The following SRGAP3 variants were observed in gnomAD, a reference collection of about 807,000 sequenced individuals.
SRGAP3 encodes the protein SLIT-ROBO Rho GTPase activating protein 3.
SRGAP3 carries 39 observed loss-of-function variants against 121.1 expected under a neutral mutation model. The ratio of observed to expected loss-of-function variants is 0.32; its 90% confidence interval spans 0.25 to 0.42. The LOEUF is 0.42. Among genes scored for constraint, SRGAP3 ranks in the 10% least tolerant of loss-of-function variants. The pLI, the probability that SRGAP3 is intolerant of heterozygous loss-of-function variation, is 1.00. For missense variants in SRGAP3, 1,213 were observed against 1,470.6 expected (o/e 0.82, Z 2.86); for synonymous variants, 601 against 570.0 (o/e 1.05, Z -0.77).
At chr3:9,283,090 G>A (rs1171189166) in intron 3 of SRGAP3, among the ~76,000 whole-genome samples, 6 of 152,002 alleles carry the variant, frequency 3.9e-5, no homozygotes, top group South Asian at 2.1e-4. Context: ...AGAGGCACCC[G>A]CCATTATACC....
intron 3 of SRGAP3, among the ~76,000 whole-genome samples, chr3:9,090,661 G>T: frequency 6.6e-6 from 1 of 152,146 alleles, no homozygotes; most frequent in African/African-American, 2.4e-5. Flanking sequence ...TTGTGAGATG[G>T]TGTCTTGCTT....
At chr3:9,177,810 C>A (rs1161661649) in intron 1 of SRGAP3, among the ~76,000 whole-genome samples, 1 of 152,194 alleles carries the variant, frequency 6.6e-6, no homozygotes, top group Non-Finnish European at 1.5e-5. Context: ...CTAGGGAAGA[C>A]CATGTGACCC....
chr3:9,298,080 G>A (rs945195392), intron 3 of SRGAP3, among the ~76,000 whole-genome samples: 1 of 152,144 alleles, frequency 6.6e-6, no homozygotes, highest in African/African-American at 2.4e-5. Flanking sequence ...GAAAATTAAT[G>A]TCTGTTGCTT....
intron 1 of SRGAP3, among the ~76,000 whole-genome samples, chr3:9,171,738 T>TGA (rs760072572): frequency 2.6e-5 from 4 of 152,128 alleles, no homozygotes; most frequent in Non-Finnish European, 5.9e-5. Flanking sequence ...TACTCAGAGG[T>TGA]GAGAGGCTCT....
chr3:9,335,275 C>T (rs1479979042), intron 1 of SRGAP3, among the ~76,000 whole-genome samples: 1 of 152,142 alleles, frequency 6.6e-6, no homozygotes, highest in African/African-American at 2.4e-5. Context: ...GGAAATTGGG[C>T]TCCTTGTTGC....
chr3:9,073,633 C>T (rs1946825448), intron 4 of SRGAP3, among the ~76,000 whole-genome samples: 1 of 152,218 alleles, frequency 6.6e-6, no homozygotes, highest in African/African-American at 2.4e-5. Flanking sequence ...ATAATGCCAC[C>T]TACCTCAAAG....
At chr3:9,167,835 G>A (rs188041916) in intron 1 of SRGAP3, among the ~76,000 whole-genome samples, 13 of 152,240 alleles carry the variant, frequency 8.5e-5, no homozygotes, top group African/African-American at 2.2e-4. Context: ...AGCATGCCTC[G>A]CTGTTTTCTT....
At chr3:9,035,956 G>A (rs1274914294) in intron 11 of SRGAP3, 1 of 152,270 alleles carries the variant, frequency 6.6e-6, no homozygotes, top group African/African-American at 2.4e-5. Context: ...TCCAGACCAC[G>A]AGGGCATGTC....
At chr3:9,165,082 T>C (rs1471136002) in intron 1 of SRGAP3, among the ~76,000 whole-genome samples, 1 of 152,262 alleles carries the variant, frequency 6.6e-6, no homozygotes, top group Non-Finnish European at 1.5e-5. Context: ...GGGTCGAAGG[T>C]CAGGCCTTTG....
chr3:9,208,961 A>C (rs1145160), intron 1 of SRGAP3, among the ~76,000 whole-genome samples: 55,451 of 152,132 alleles, frequency 0.36, 10,383 homozygotes, highest in Middle Eastern at 0.42. Flanking sequence ...GGCCCCAAAA[A>C]ATCCAGACTC....
intron 1 of SRGAP3, among the ~76,000 whole-genome samples, chr3:9,241,455 C>T (rs894156303): frequency 1.3e-5 from 2 of 152,174 alleles, no homozygotes; most frequent in Non-Finnish European, 2.9e-5. Context: ...AGGAAGTGCT[C>T]CCTAGACCAC....
intron 3 of SRGAP3, among the ~76,000 whole-genome samples, chr3:9,254,728 G>A (rs1170457148): frequency 6.6e-6 from 1 of 151,890 alleles, no homozygotes; most frequent in African/African-American, 2.4e-5. Flanking sequence ...CCCAAGAGGT[G>A]GAGGGTGCAG....
intron 1 of SRGAP3, among the ~76,000 whole-genome samples, chr3:9,167,992 C>CT (rs928128198): frequency 6.6e-6 from 1 of 152,204 alleles, no homozygotes; most frequent in Non-Finnish European, 1.5e-5. Context: ...TCACAAAGTG[C>CT]TTTTTTCACA....
chr3:9,306,669 G>A (rs868028304), intron 3 of SRGAP3, among the ~76,000 whole-genome samples: 1 of 152,140 alleles, frequency 6.6e-6, no homozygotes, highest in Non-Finnish European at 1.5e-5. Context: ...TTATTAAATA[G>A]GAAATCCCTT....
chr3:9,132,940 G>A (rs565565594), intron 1 of SRGAP3, among the ~76,000 whole-genome samples: 28 of 150,434 alleles, frequency 1.9e-4, no homozygotes, highest in African/African-American at 6.1e-4. Context: ...TTCCCCTCTC[G>A]CAAAACAACC....
At chr3:9,077,289 T>C (rs182567840) in intron 4 of SRGAP3, among the ~76,000 whole-genome samples, 2 of 152,226 alleles carry the variant, frequency 1.3e-5, no homozygotes, top group African/African-American at 4.8e-5. Flanking sequence ...TACAAGACTC[T>C]GACAGAGACA....
chr3:9,067,326 A>G (rs1010411257), intron 4 of SRGAP3, among the ~76,000 whole-genome samples: 1 of 152,062 alleles, frequency 6.6e-6, no homozygotes, highest in East Asian at 1.9e-4. Context: ...TTGGAAAACA[A>G]TACATGGATT....
intron 2 of SRGAP3, among the ~76,000 whole-genome samples, chr3:9,111,259 G>C (rs757858025): frequency 1.3e-5 from 2 of 152,196 alleles, no homozygotes; most frequent in Non-Finnish European, 2.9e-5. Flanking sequence ...TGTGCCATGA[G>C]TGCCTGTAAT....
chr3:9,153,647 T>C (rs6762693), intron 1 of SRGAP3, among the ~76,000 whole-genome samples: 32,815 of 152,032 alleles, frequency 0.22, 3,942 homozygotes, highest in African/African-American at 0.32. Context: ...AGTGGTAACA[T>C]AGGAACATTT....
Sources: gnomAD v4.1 joint callset for allele counts (sites outside exome capture counted in the v4.1 genomes callset) on GRCh38, gnomAD v4.1.1 for gene constraint, MANE v1.5 for transcripts, NCBI Gene and HGNC (gene_info 2026-07-23, HGNC 2026-07-21) for gene names.